TNFAIP8: variants seen among roughly 807,000 people sequenced by gnomAD.
The protein encoded by TNFAIP8 is TNF alpha induced protein 8, also known as tumor necrosis factor alpha-induced protein 8.
A neutral mutation model predicts 13.3 loss-of-function variants in TNFAIP8; 7 were observed. The ratio of observed to expected loss-of-function variants is 0.52; its 90% CI spans 0.30 to 0.99. The LOEUF is 0.99. TNFAIP8 is among the 50% of genes least tolerant of loss of function. TNFAIP8 has a pLI of 0.07. For missense variants in TNFAIP8, 258 were observed against 236.9 expected (o/e 1.09, Z -0.58); for synonymous variants, 94 against 87.6 (o/e 1.07, Z -0.41).
At chr5:119,387,011 CTCTT>C (rs1197467104) in intron 1 of TNFAIP8, among the ~76,000 whole-genome samples, 3 of 139,066 alleles carry the variant, frequency 2.2e-5, no homozygotes, top group Non-Finnish European at 4.6e-5. Flanking sequence ...TTCTCCCTCT[CTCTT>C]TCCCTCTGTT....
At chr5:119,360,434 G>A (rs1213635475) in intron 1 of TNFAIP8, among the ~76,000 whole-genome samples, 1 of 152,160 alleles carries the variant, frequency 6.6e-6, no homozygotes, top group East Asian at 1.9e-4. Flanking sequence ...AGTGTAAGCT[G>A]AATTAAAACA....
intron 1 of TNFAIP8, among the ~76,000 whole-genome samples, chr5:119,307,183 T>A (rs1458970959): frequency 2.6e-5 from 4 of 152,232 alleles, no homozygotes; most frequent in African/African-American, 9.6e-5. Context: ...TTTCGTAGTA[T>A]TCCATATTCT....
intron 1 of TNFAIP8, among the ~76,000 whole-genome samples, chr5:119,350,512 A>C (rs1199472083): frequency 6.6e-6 from 1 of 152,148 alleles, no homozygotes; most frequent in African/African-American, 2.4e-5. Context: ...TTCAGATAAT[A>C]TTTTCTGACC....
intron 1 of TNFAIP8, among the ~76,000 whole-genome samples, chr5:119,329,242 G>T (rs1750305904): frequency 6.6e-6 from 1 of 152,200 alleles, no homozygotes; most frequent in Non-Finnish European, 1.5e-5. Context: ...GAAATTAGAA[G>T]ATAGTCTTCT....
chr5:119,339,002 G>A (rs1205159420), intron 1 of TNFAIP8, among the ~76,000 whole-genome samples: 3 of 151,940 alleles, frequency 2.0e-5, no homozygotes, highest in Non-Finnish European at 4.4e-5. Flanking sequence ...AGCTATGATT[G>A]TGCTACTGCA....
chr5:119,392,751 T>TAA, intron 1 of TNFAIP8, 65 bp from the exon 2 acceptor site: 5 of 1,455,314 alleles, frequency 3.4e-6, no homozygotes, highest in Non-Finnish European at 4.5e-6. Flanking sequence ...TACCTGTTTT[T>TAA]AGTTCGCTTC....
chr5:119,290,958 G>C (rs1748966914), intron 1 of TNFAIP8, among the ~76,000 whole-genome samples: 1 of 152,114 alleles, frequency 6.6e-6, no homozygotes, highest in East Asian at 1.9e-4. Flanking sequence ...TAAGGAGTTT[G>C]GACTTTCTTT....
intron 1 of TNFAIP8, among the ~76,000 whole-genome samples, chr5:119,357,198 G>C (rs529920571): frequency 1.3e-5 from 2 of 152,290 alleles, no homozygotes; most frequent in Admixed American, 1.3e-4. Context: ...ATTATGCTGT[G>C]TGAGGGAAAT....
At chr5:119,368,194 A>T (rs1214472617) in intron 1 of TNFAIP8, among the ~76,000 whole-genome samples, 4 of 152,214 alleles carry the variant, frequency 2.6e-5, no homozygotes, top group South Asian at 4.1e-4. Flanking sequence ...TCAGTCTTGT[A>T]GTTCTTAATT....
intron 1 of TNFAIP8, among the ~76,000 whole-genome samples, chr5:119,332,032 A>C (rs1160562683): frequency 2.6e-5 from 4 of 152,188 alleles, no homozygotes; most frequent in African/African-American, 7.2e-5. Flanking sequence ...ATTTGGGGAG[A>C]TAACACAAAA....
intron 1 of TNFAIP8, among the ~76,000 whole-genome samples, chr5:119,283,395 G>C (rs1250036153): frequency 1.3e-5 from 2 of 152,216 alleles, no homozygotes; most frequent in Non-Finnish European, 2.9e-5. Context: ...CTACTCTGGA[G>C]GCTGAGGTGG....
At chr5:119,286,149 T>A (rs554138555) in intron 1 of TNFAIP8, among the ~76,000 whole-genome samples, 1 of 152,264 alleles carries the variant, frequency 6.6e-6, no homozygotes, top group South Asian at 2.1e-4. Context: ...CTTAGAAAAA[T>A]CTGTGTAAAA....
At position 119,382,158 on chromosome 5, in the gene TNFAIP8, A is replaced by G. The variant is rs543800129; in HGVS notation, c.32-10658A>G. 2.6e-5 allele frequency among the ~76,000 whole-genome samples: 4 copies of G among 152,276 alleles called. No individual in the cohort carries two copies. In the East Asian group the frequency reaches 7.7e-4, roughly 29 times the overall value. On this transcript the variant is annotated intron_variant, in intron 1 of 1. Transcript: ENST00000504771. ...AATCATATTTATTTCTATAAGGCAGAATCTTCTTTTTCTTTGAAGTCAATC... is the reference window on the plus strand; with the variant it reads ...AATCATATTTATTTCTATAAGGCAGGATCTTCTTTTTCTTTGAAGTCAATC...
At chr5:119,379,743 A>G (rs1330507101) in intron 1 of TNFAIP8, among the ~76,000 whole-genome samples, 1 of 152,054 alleles carries the variant, frequency 6.6e-6, no homozygotes, top group Non-Finnish European at 1.5e-5. Context: ...AGCATACACC[A>G]CAACACCTGG....
At chr5:119,362,350 T>C (rs753019177) in intron 1 of TNFAIP8, among the ~76,000 whole-genome samples, 5 of 152,182 alleles carry the variant, frequency 3.3e-5, no homozygotes, top group Admixed American at 1.3e-4. Flanking sequence ...GGGGCCAGTC[T>C]AGAAGCTGGA....
intron 1 of TNFAIP8, among the ~76,000 whole-genome samples, chr5:119,294,285 G>C (rs546041106): frequency 6.9e-6 from 1 of 145,098 alleles, no homozygotes; most frequent in Admixed American, 7.0e-5. Context: ...CTATGAGTGA[G>C]AACATGCGGT....
intron 1 of TNFAIP8, among the ~76,000 whole-genome samples, chr5:119,286,903 C>G (rs1581571129): frequency 6.6e-6 from 1 of 152,334 alleles, no homozygotes; most frequent in South Asian, 2.1e-4. Flanking sequence ...CTTGCCCCAT[C>G]CTTCTCTCCA....
chr5:119,288,975 A>C (rs1447410624), intron 1 of TNFAIP8, among the ~76,000 whole-genome samples: 1 of 151,930 alleles, frequency 6.6e-6, no homozygotes, highest in Non-Finnish European at 1.5e-5. Flanking sequence ...AGCCACATTC[A>C]CTCCTTTTTA....
intron 1 of TNFAIP8, among the ~76,000 whole-genome samples, chr5:119,286,399 A>T (rs529915478): frequency 1.1e-4 from 16 of 152,290 alleles, no homozygotes; most frequent in Admixed American, 3.9e-4. Flanking sequence ...AGGTGGGTGG[A>T]TCACGAGGTC....
Sources: gnomAD v4.1 joint callset for allele counts (sites outside exome capture counted in the v4.1 genomes callset) on GRCh38, gnomAD v4.1.1 for gene constraint, MANE v1.5 for transcripts, NCBI Gene and HGNC (gene_info 2026-07-23, HGNC 2026-07-21) for gene names.